The following QTMAN variants were observed in gnomAD, a reference collection of about 807,000 sequenced individuals.
QTMAN encodes the protein queuosine-tRNA mannosyltransferase.
the QTMAN span, among the ~76,000 whole-genome samples, chr2:144,214,464 T>G: frequency 1.3e-5 from 2 of 152,352 alleles, no homozygotes; most frequent in South Asian, 2.1e-4. Flanking sequence ...TTCCGGAGCA[T>G]TAGTCTGAAC....
At chr2:143,938,583 C>G in the QTMAN span, 1 of 152,178 alleles carries the variant, frequency 6.6e-6, no homozygotes, top group Non-Finnish European at 1.5e-5. Context: ...TCGAAGGTGA[C>G]AAGGCTTCTT....
At chr2:144,061,721 G>C in the QTMAN span, among the ~76,000 whole-genome samples, 1 of 152,148 alleles carries the variant, frequency 6.6e-6, no homozygotes, top group African/African-American at 2.4e-5. Flanking sequence ...ATGAGAACAG[G>C]CATTCCTGTT....
At chr2:144,331,207 G>A in the QTMAN span, among the ~76,000 whole-genome samples, 1 of 152,150 alleles carries the variant, frequency 6.6e-6, no homozygotes, top group East Asian at 1.9e-4. Context: ...TCTAATCCAA[G>A]TCAGACCTGG....
chr2:144,145,567 C>T, the QTMAN span: 13 of 1,600,702 alleles, frequency 8.1e-6, no homozygotes, highest in South Asian at 2.2e-5. Context: ...ACAATCCATA[C>T]CTACCATGAA....
At chr2:144,004,257 T>C in the QTMAN span, among the ~76,000 whole-genome samples, 1 of 152,020 alleles carries the variant, frequency 6.6e-6, no homozygotes, top group African/African-American at 2.4e-5. Context: ...CTAAGGGGGT[T>C]GAACAAGAAA....
chr2:144,051,418 AC>A, the QTMAN span, among the ~76,000 whole-genome samples: 4 of 151,958 alleles, frequency 2.6e-5, no homozygotes, highest in Non-Finnish European at 5.9e-5. Flanking sequence ...CATCTTTACT[AC>A]CAGCTACTCT....
chr2:144,035,962 A>G, the QTMAN span, among the ~76,000 whole-genome samples: 3 of 152,132 alleles, frequency 2.0e-5, no homozygotes, highest in East Asian at 1.9e-4. Flanking sequence ...ATTTCACTGT[A>G]TCTTTCTATT....
At chr2:144,322,022 T>G in the QTMAN span, among the ~76,000 whole-genome samples, 1 of 152,168 alleles carries the variant, frequency 6.6e-6, no homozygotes, top group Non-Finnish European at 1.5e-5. Flanking sequence ...ACCACATAGG[T>G]AGCATCCATT....
the QTMAN span, among the ~76,000 whole-genome samples, chr2:144,175,168 T>C: frequency 6.6e-6 from 1 of 151,656 alleles, no homozygotes; most frequent in Non-Finnish European, 1.5e-5. Flanking sequence ...AAGAAAAAAA[T>C]ATATGAAAGA....
At chr2:144,298,268 T>C in the QTMAN span, among the ~76,000 whole-genome samples, 1 of 152,108 alleles carries the variant, frequency 6.6e-6, no homozygotes, top group African/African-American at 2.4e-5. Flanking sequence ...TCCGCCTGCC[T>C]TGGCCTCCCA....
the QTMAN span, among the ~76,000 whole-genome samples, chr2:144,151,889 C>A: frequency 1.3e-5 from 2 of 152,316 alleles, no homozygotes; most frequent in East Asian, 3.9e-4. Flanking sequence ...ACCATTTCTA[C>A]TGCATGTTTA....
chr2:144,307,426 C>T, the QTMAN span, among the ~76,000 whole-genome samples: 1 of 152,112 alleles, frequency 6.6e-6, no homozygotes, highest in African/African-American at 2.4e-5. Context: ...TGTTCACTCT[C>T]ACCGCTTCTA....
the QTMAN span, among the ~76,000 whole-genome samples, chr2:144,245,438 A>C: frequency 6.6e-6 from 1 of 152,234 alleles, no homozygotes; most frequent in Non-Finnish European, 1.5e-5. Flanking sequence ...TCAAACAATA[A>C]TGAAAAGTAT....
At chr2:144,166,670 T>C in the QTMAN span, among the ~76,000 whole-genome samples, 4 of 152,242 alleles carry the variant, frequency 2.6e-5, no homozygotes, top group Non-Finnish European at 4.4e-5. Context: ...ATTATTGTGA[T>C]AGTATTTGCT....
chr2:143,955,839 A>G, the QTMAN span, among the ~76,000 whole-genome samples: 1 of 152,170 alleles, frequency 6.6e-6, no homozygotes, highest in Admixed American at 6.5e-5. Context: ...TTTGTGTAAA[A>G]TTTTCCATCT....
chr2:144,133,132 TATATATATATATATATATA>T, the QTMAN span, among the ~76,000 whole-genome samples: 98 of 40,452 alleles, frequency 2.4e-3, 1 homozygote, highest in African/African-American at 9.6e-3. Context: ...TATATATATA[TATATATATATATATATATA>T]ATATAATATA....
chr2:143,994,774 C>T, the QTMAN span, among the ~76,000 whole-genome samples: 1 of 152,188 alleles, frequency 6.6e-6, no homozygotes, highest in East Asian at 1.9e-4. Context: ...AGGAGAATTC[C>T]TTCTAAGGTG....
chr2:144,125,104 T>C, the QTMAN span, among the ~76,000 whole-genome samples: 3 of 152,046 alleles, frequency 2.0e-5, no homozygotes, highest in East Asian at 3.9e-4. Flanking sequence ...TAATCTATCA[T>C]AGAATTCGTT....
the QTMAN span, among the ~76,000 whole-genome samples, chr2:144,243,506 AC>A: frequency 3.3e-5 from 5 of 152,230 alleles, no homozygotes; most frequent in Admixed American, 3.3e-4. Context: ...AATTTAAGAA[AC>A]AGTAATGAAA....
Sources: gnomAD v4.1 joint callset for allele counts (sites outside exome capture counted in the v4.1 genomes callset) on GRCh38, gnomAD v4.1.1 for gene constraint, MANE v1.5 for transcripts, NCBI Gene and HGNC (gene_info 2026-07-23, HGNC 2026-07-21) for gene names.